The following ALCAM variants were observed in gnomAD, a reference collection of about 807,000 sequenced individuals.
The protein encoded by ALCAM is activated leukocyte cell adhesion molecule, also known as CD166 antigen.
In ALCAM, 30 loss-of-function variants were observed where a neutral mutation model predicts 70.9. The ratio of observed to expected loss-of-function variants is 0.42; its 90% CI spans 0.32 to 0.57. The LOEUF (loss-of-function observed/expected upper bound fraction) is 0.57, where lower values mean the gene tolerates loss of function less well. ALCAM is among the 20% of genes least tolerant of loss of function. The pLI, the probability that ALCAM is intolerant of heterozygous loss-of-function variation, is 0.11. For missense variants in ALCAM, 591 were observed against 695.1 expected (o/e 0.85, Z 1.68); for synonymous variants, 249 against 242.5 (o/e 1.03, Z -0.25).
intron 1 of ALCAM, among the ~76,000 whole-genome samples, chr3:105,417,434 G>T (rs1487412927): frequency 6.6e-6 from 1 of 151,230 alleles, no homozygotes; most frequent in Non-Finnish European, 1.5e-5. Flanking sequence ...ATGAAAAATA[G>T]ATATTTTGTA....
intron 1 of ALCAM, among the ~76,000 whole-genome samples, chr3:105,428,721 T>C (rs986356424): frequency 6.6e-6 from 1 of 151,964 alleles, no homozygotes; most frequent in Non-Finnish European, 1.5e-5. Context: ...GTGTGAACCA[T>C]TATCCAAAGC....
chr3:105,463,610 C>T (rs929280200), intron 1 of ALCAM, among the ~76,000 whole-genome samples: 2 of 151,308 alleles, frequency 1.3e-5, no homozygotes, highest in African/African-American at 4.8e-5. Flanking sequence ...CAATGGATAC[C>T]ACCTGCATCA....
chr3:105,520,673 A>ATT (rs34505304), intron 2 of ALCAM, among the ~76,000 whole-genome samples: 1 of 151,790 alleles, frequency 6.6e-6, no homozygotes, highest in Admixed American at 6.6e-5. Flanking sequence ...AACGGTGTTG[A>ATT]TTTTTTCCCA....
At chr3:105,378,430 A>C (rs114546738) in intron 1 of ALCAM, among the ~76,000 whole-genome samples, 2,242 of 152,014 alleles carry the variant, frequency 0.015, 44 homozygotes, top group African/African-American at 0.05. Context: ...TGATAGGTAC[A>C]ACACTTTCTA....
intron 1 of ALCAM, among the ~76,000 whole-genome samples, chr3:105,484,639 T>C (rs1938371073): frequency 6.6e-6 from 1 of 152,056 alleles, no homozygotes; most frequent in South Asian, 2.1e-4. Flanking sequence ...ACCATGAAGA[T>C]CTAAGGATAT....
chr3:105,507,254 G>A (rs1179695349), intron 1 of ALCAM, among the ~76,000 whole-genome samples: 2 of 151,996 alleles, frequency 1.3e-5, no homozygotes, highest in Non-Finnish European at 1.5e-5. Flanking sequence ...GTTGCAATTG[G>A]TGAGCCGATG....
intron 14 of ALCAM, among the ~76,000 whole-genome samples, chr3:105,565,777 A>T (rs377377354): frequency 9.0e-4 from 137 of 152,352 alleles, no homozygotes; most frequent in African/African-American, 3.2e-3. Context: ...AAACTAGATT[A>T]TGATGGATGT....
At chr3:105,516,581 A>C (rs547938645) in intron 1 of ALCAM, among the ~76,000 whole-genome samples, 1 of 152,202 alleles carries the variant, frequency 6.6e-6, no homozygotes, top group Admixed American at 6.5e-5. Flanking sequence ...CCTTTTATTT[A>C]AAAATGCCTA....
intron 1 of ALCAM, among the ~76,000 whole-genome samples, chr3:105,387,564 G>A (rs1030576353): frequency 2.3e-4 from 35 of 151,684 alleles, no homozygotes; most frequent in South Asian, 8.3e-4. Flanking sequence ...AATAGTCTGC[G>A]TCACTAACTC....
chr3:105,526,898 G>C (rs73192759), intron 3 of ALCAM, among the ~76,000 whole-genome samples: 2,965 of 152,234 alleles, frequency 0.019, 35 homozygotes, highest in Middle Eastern at 0.037. Flanking sequence ...GTGTACCATA[G>C]AATCAAGTGT....
chr3:105,400,407 G>T (rs941091765), intron 1 of ALCAM, among the ~76,000 whole-genome samples: 2 of 152,064 alleles, frequency 1.3e-5, no homozygotes, highest in Admixed American at 1.3e-4. Flanking sequence ...ATGAAATATT[G>T]TAAAAGAAAT....
chr3:105,433,853 C>G (rs1203245487), intron 1 of ALCAM, among the ~76,000 whole-genome samples: 2 of 151,124 alleles, frequency 1.3e-5, no homozygotes, highest in East Asian at 3.9e-4. Context: ...ATCTGATGAA[C>G]TAGTCAGAGG....
intron 12 of ALCAM, among the ~76,000 whole-genome samples, chr3:105,551,775 G>T (rs1940413223): frequency 6.6e-6 from 1 of 151,522 alleles, no homozygotes; most frequent in Non-Finnish European, 1.5e-5. Context: ...GTTGAGAAAA[G>T]TTGATAAACA....
At chr3:105,496,642 G>T (rs911534676) in intron 1 of ALCAM, among the ~76,000 whole-genome samples, 1 of 152,088 alleles carries the variant, frequency 6.6e-6, no homozygotes, top group African/African-American at 2.4e-5. Flanking sequence ...CTGGTTCTCT[G>T]CAAGGTCTTT....
At chr3:105,411,313 T>G (rs747771059) in intron 1 of ALCAM, among the ~76,000 whole-genome samples, 4 of 152,086 alleles carry the variant, frequency 2.6e-5, no homozygotes, top group Non-Finnish European at 5.9e-5. Context: ...ATTAAGGCAT[T>G]CCAGTTCACT....
At position 105,378,573 on chromosome 3, in the gene ALCAM, T is replaced by C. The variant is rs535060461; in HGVS notation, c.73+11092T>C. ...GTAATTTATATTTGGATTTACTCCA[T>C]TACATAAATCCCCTGTTCCACCCAG... On this transcript the variant is annotated intron_variant, in intron 1 of 15. Transcript: ENST00000306107. Among the ~76,000 whole-genome samples, 209 of 151,880 alleles carry C rather than the reference T, an allele frequency of 1.4e-3. 2 individuals are homozygous for C. The highest frequency in any genetic ancestry group is 4.9e-3 in the African/African-American group (203 of 41,502).
At chr3:105,385,429 A>G (rs1935625903) in intron 1 of ALCAM, among the ~76,000 whole-genome samples, 1 of 151,574 alleles carries the variant, frequency 6.6e-6, no homozygotes, top group South Asian at 2.1e-4. Flanking sequence ...ATGAAAAGCC[A>G]GCATGAAAAG....
intron 1 of ALCAM, among the ~76,000 whole-genome samples, chr3:105,501,021 C>T (rs1363820623): frequency 6.6e-6 from 1 of 152,182 alleles, no homozygotes; most frequent in African/African-American, 2.4e-5. Context: ...TTACTCTTTA[C>T]ATTGAATCTC....
intron 7 of ALCAM, among the ~76,000 whole-genome samples, chr3:105,540,646 G>A (rs557850763): frequency 7.9e-5 from 12 of 152,036 alleles, no homozygotes; most frequent in African/African-American, 2.2e-4. Context: ...AATTCCTCTC[G>A]GATGTGCTCT....
Sources: allele counts gnomAD v4.1 joint callset (sites outside exome capture counted in the v4.1 genomes callset), GRCh38; gene constraint gnomAD v4.1.1; transcripts MANE v1.5; gene names NCBI Gene and HGNC (gene_info 2026-07-23, HGNC 2026-07-21).